PTPRN2: variants seen among roughly 807,000 people sequenced by gnomAD.
PTPRN2 encodes the protein receptor-type tyrosine-protein phosphatase N2.
A neutral mutation model predicts 118.8 loss-of-function variants in PTPRN2; 74 were observed. That is an observed-to-expected ratio of 0.62 (90% CI 0.52 to 0.76). The LOEUF is 0.76. Ranked by LOEUF, PTPRN2 falls within the 30% of genes least tolerant of loss-of-function variation. The pLI is 0.00. For synonymous variants in PTPRN2, 641 were observed against 608.0 expected (o/e 1.05, Z -0.80); for missense variants, 1,481 against 1,394.4 (o/e 1.06, Z -0.99).
intron 12 of PTPRN2, among the ~76,000 whole-genome samples, chr7:157,712,903 G>A (rs1012883383): frequency 6.6e-6 from 1 of 152,168 alleles, no homozygotes; most frequent in African/African-American, 2.4e-5. Flanking sequence ...GGAGGAGGAG[G>A]GAGCACAGCT....
intron 5 of PTPRN2, among the ~76,000 whole-genome samples, chr7:158,184,946 C>T (rs1290392065): frequency 2.0e-5 from 3 of 152,186 alleles, no homozygotes; most frequent in African/African-American, 7.2e-5. Context: ...ATGTAGGTTT[C>T]CGTCATGGAT....
intron 11 of PTPRN2, among the ~76,000 whole-genome samples, chr7:157,921,402 T>A (rs559735403): frequency 6.6e-6 from 1 of 152,210 alleles, no homozygotes; most frequent in African/African-American, 2.4e-5. Flanking sequence ...TGATGATGGA[T>A]ACGTGTCATC....
chr7:158,261,089 C>T (rs1354984392), intron 3 of PTPRN2, among the ~76,000 whole-genome samples: 1 of 152,126 alleles, frequency 6.6e-6, no homozygotes, highest in Non-Finnish European at 1.5e-5. Flanking sequence ...GGGCGTGAGG[C>T]TCCGACTGGC....
intron 10 of PTPRN2, among the ~76,000 whole-genome samples, chr7:158,105,968 A>C (rs1276981280): frequency 6.6e-6 from 1 of 151,870 alleles, no homozygotes; most frequent in Non-Finnish European, 1.5e-5. Flanking sequence ...TCCCAGCTCC[A>C]TCCAGTTCCA....
rs543721090 is a variant in PTPRN2 at position 158,265,340 on chromosome 7, A to G, written c.277+51479T>C. Among the ~76,000 whole-genome samples the G allele has an allele frequency of 2.0e-5, 3 of 151,620 alleles. No homozygotes were observed. The South Asian group carries it at 6.3e-4, about 32-fold the overall frequency. ...CACACCTGCAGGGGCACACTTGTGGATGCACACCTGCAGGCAGGTACATAC... is the reference window on the plus strand; with the variant it reads ...CACACCTGCAGGGGCACACTTGTGGGTGCACACCTGCAGGCAGGTACATAC... On this transcript the variant is annotated intron_variant, in intron 3 of 22. Coordinates refer to ENST00000389418, the MANE Select transcript of PTPRN2 (RefSeq NM_002847.5).
rs199538805 is a variant in PTPRN2 at position 158,504,384 on chromosome 7, T to TC, written c.113-14600dup. On this transcript the variant is annotated intron_variant, in intron 1 of 22. Coordinates refer to ENST00000389418, the MANE Select transcript of PTPRN2 (RefSeq NM_002847.5). The stretch of plus-strand genomic sequence containing the variant: ...ACAACAGGTGCCCAGTCTGTGTCGT[T>TC]CCCCCCCCATGTGTCCATGTGCTCC... Among the ~76,000 whole-genome samples the TC allele has an allele frequency of 9.0e-3, 1,369 of 151,428 alleles. 13 individuals are homozygous for TC. The highest frequency in any genetic ancestry group is 0.038 in the East Asian group (197 of 5,160).
intron 11 of PTPRN2, among the ~76,000 whole-genome samples, chr7:157,917,209 C>T (rs1044667667): frequency 2.6e-5 from 4 of 152,256 alleles, no homozygotes; most frequent in South Asian, 2.1e-4. Flanking sequence ...CTTCTGGTTC[C>T]CCTTCTTTGC....
chr7:158,308,027 A>G (rs899635820), intron 3 of PTPRN2, among the ~76,000 whole-genome samples: 1 of 152,174 alleles, frequency 6.6e-6, no homozygotes, highest in African/African-American at 2.4e-5. Context: ...CTGCCCCTCA[A>G]CCTTGAACTT....
intron 12 of PTPRN2, among the ~76,000 whole-genome samples, chr7:157,737,069 G>A (rs891521773): frequency 1.3e-5 from 2 of 152,328 alleles, no homozygotes; most frequent in African/African-American, 4.8e-5. Flanking sequence ...CACACCAGGC[G>A]TCTTGGATAA....
intron 11 of PTPRN2, among the ~76,000 whole-genome samples, chr7:157,959,957 T>TA (rs1030816853): frequency 7.2e-5 from 11 of 151,982 alleles, no homozygotes; most frequent in African/African-American, 2.7e-4. Flanking sequence ...GAAGAACAGA[T>TA]AAAAAACATG....
In PTPRN2 at chr7:158,015,094, T is replaced by C. The variant is rs1225758631; in HGVS notation, c.1723+66204A>G. On this transcript the variant is annotated intron_variant, in intron 11 of 22. Transcript: ENST00000389418. The surrounding 1 kb of genome is among the most constrained non-coding windows in gnomAD (Gnocchi z 4.2). The stretch of plus-strand genomic sequence containing the variant: ...GCAAATCCCTCAGATAAAAGTGGGT[T>C]GCTGAAATGAGAGGCTCAGATAGAG... 6.6e-6 allele frequency among the ~76,000 whole-genome samples: 1 copy of C among 152,210 alleles called. No individual in the cohort carries two copies. Among genetic ancestry groups the C allele is most frequent in the East Asian group, 1.9e-4 (1 of 5,204 alleles).
chr7:158,179,727 C>A (rs926647216), intron 5 of PTPRN2, among the ~76,000 whole-genome samples: 1 of 152,124 alleles, frequency 6.6e-6, no homozygotes, highest in African/African-American at 2.4e-5. Context: ...GTTACTGAAC[C>A]AAATTGAGGA....
At chr7:157,775,595 G>A (rs548748486) in intron 12 of PTPRN2, among the ~76,000 whole-genome samples, 50 of 152,314 alleles carry the variant, frequency 3.3e-4, no homozygotes, top group Admixed American at 1.5e-3. Flanking sequence ...CTCGGGAGCC[G>A]GCGCTCACAT....
intron 16 of PTPRN2, among the ~76,000 whole-genome samples, chr7:157,600,292 A>G (rs2150575303): frequency 6.6e-6 from 1 of 152,208 alleles, no homozygotes; most frequent in Non-Finnish European, 1.5e-5. Context: ...TGCCTTTCCT[A>G]ACATTTAAAG....
intron 12 of PTPRN2, among the ~76,000 whole-genome samples, chr7:157,751,209 G>A (rs1370683828): frequency 6.6e-6 from 1 of 152,222 alleles, no homozygotes; most frequent in East Asian, 1.9e-4. Flanking sequence ...ATGCTGACAT[G>A]TGAAGGGAAG....
intron 5 of PTPRN2, among the ~76,000 whole-genome samples, chr7:158,167,807 C>T (rs1823168381): frequency 6.6e-6 from 1 of 152,224 alleles, no homozygotes; most frequent in African/African-American, 2.4e-5. Flanking sequence ...CTCAGGTGCA[C>T]CCATGCTGAT....
At chr7:158,121,017 G>A (rs1817127985) in intron 9 of PTPRN2, among the ~76,000 whole-genome samples, 1 of 152,134 alleles carries the variant, frequency 6.6e-6, no homozygotes, top group Non-Finnish European at 1.5e-5. Context: ...GCAGGCAAGT[G>A]CGATGCTTCC....
At chr7:158,429,435 C>A (rs1188070636) in intron 2 of PTPRN2, among the ~76,000 whole-genome samples, 1 of 152,254 alleles carries the variant, frequency 6.6e-6, no homozygotes, top group African/African-American at 2.4e-5. Flanking sequence ...CTCTCTGCAC[C>A]ACCCAGCTCC....
intron 12 of PTPRN2, among the ~76,000 whole-genome samples, chr7:157,889,033 A>C (rs1203438027): frequency 6.6e-6 from 1 of 152,202 alleles, no homozygotes; most frequent in Non-Finnish European, 1.5e-5. Context: ...ATTCCCTGTG[A>C]ATCTATAATG....
Sources: gnomAD v4.1 joint callset for allele counts (sites outside exome capture counted in the v4.1 genomes callset) on GRCh38, gnomAD v4.1.1 for gene constraint, Gnocchi (gnomAD v3.1) non-coding constraint, MANE v1.5 for transcripts, NCBI Gene and HGNC (gene_info 2026-07-23, HGNC 2026-07-21) for gene names.